Variants in ME1 observed in about 807,000 individuals in gnomAD.
The protein encoded by ME1 is NADP-dependent malic enzyme.
ME1 carries 74 observed loss-of-function variants against 66.4 expected under a neutral mutation model. The observed-to-expected ratio is 1.11, with a 90% CI of 0.92 to 1.35. The LOEUF (loss-of-function observed/expected upper bound fraction) is 1.35, where lower values mean the gene tolerates loss of function less well. Ranked by LOEUF, ME1 falls within the 40% of genes most tolerant of loss-of-function variation. The pLI, the probability that ME1 is intolerant of heterozygous loss-of-function variation, is 0.00. For synonymous variants in ME1, 251 were observed against 235.6 expected (o/e 1.07, Z -0.60); for missense variants, 750 against 694.1 (o/e 1.08, Z -0.90).
chr6:83,342,843 T>C (rs1056893580), intron 5 of ME1, among the ~76,000 whole-genome samples: 1 of 152,088 alleles, frequency 6.6e-6, no homozygotes, highest in Non-Finnish European at 1.5e-5. Context: ...TGTGCCACCA[T>C]GCCCAACTAA....
intron 3 of ME1, among the ~76,000 whole-genome samples, chr6:83,355,128 C>A (rs986499800): frequency 3.3e-5 from 5 of 152,074 alleles, no homozygotes; most frequent in Admixed American, 3.3e-4. Flanking sequence ...GGATCCCTGT[C>A]ATAGTCCAAT....
chr6:83,341,124 C>A (rs563491686), intron 5 of ME1, among the ~76,000 whole-genome samples: 422 of 152,174 alleles, frequency 2.8e-3, no homozygotes, highest in Non-Finnish European at 5.1e-3. Context: ...GTTCAACCAC[C>A]TGGGCAATCA....
chr6:83,218,056 C>T (rs920165767), intron 12 of ME1, among the ~76,000 whole-genome samples: 1 of 152,108 alleles, frequency 6.6e-6, no homozygotes, highest in Non-Finnish European at 1.5e-5. Context: ...ATAATAAACT[C>T]ATCATTTAAC....
At chr6:83,279,001 C>T (rs76955988) in intron 6 of ME1, among the ~76,000 whole-genome samples, 2 of 152,036 alleles carry the variant, frequency 1.3e-5, no homozygotes, top group African/African-American at 4.8e-5. Flanking sequence ...CAACCCCTTC[C>T]CCCCCAACCC....
At position 83,376,504 on chromosome 6, in the gene ME1, A is replaced by G. The variant is rs562334025; in HGVS notation, c.362+21863T>C. Among the ~76,000 whole-genome samples, 9 of 151,818 alleles carry G rather than the reference A, an allele frequency of 5.9e-5. No individual in the cohort carries two copies. In the East Asian group the frequency reaches 1.5e-3, roughly 26 times the overall value. Reference sequence around the variant, plus strand: ...GAGTGAAACTCTGTCAAAAAAAAAAAAAAAGAAAAAAAGAGGCCGGGTGCA... The same window carrying G: ...GAGTGAAACTCTGTCAAAAAAAAAAGAAAAGAAAAAAAGAGGCCGGGTGCA... On this transcript the variant is annotated intron_variant, in intron 3 of 13. Coordinates refer to ENST00000369705, the MANE Select transcript of ME1 (RefSeq NM_002395.6).
At chr6:83,414,322 A>G (rs1001042347) in intron 1 of ME1, among the ~76,000 whole-genome samples, 1 of 152,086 alleles carries the variant, frequency 6.6e-6, no homozygotes, top group Non-Finnish European at 1.5e-5. Context: ...AAAACCAATT[A>G]TTTAAGGCCA....
chr6:83,319,202 T>C (rs1487436130), intron 5 of ME1, among the ~76,000 whole-genome samples: 1 of 151,146 alleles, frequency 6.6e-6, no homozygotes, highest in Non-Finnish European at 1.5e-5. Context: ...TACCTAATGC[T>C]AGATGACGAG....
intron 8 of ME1, among the ~76,000 whole-genome samples, chr6:83,239,333 C>A (rs943590981): frequency 1.3e-5 from 2 of 151,972 alleles, no homozygotes; most frequent in Non-Finnish European, 2.9e-5. Flanking sequence ...AAATTTAAAA[C>A]TGTGAAAAAT....
intron 3 of ME1, among the ~76,000 whole-genome samples, chr6:83,369,617 C>G (rs908391948): frequency 2.1e-5 from 3 of 145,218 alleles, no homozygotes; most frequent in African/African-American, 7.8e-5. Flanking sequence ...CAGACAGTGA[C>G]CTTGTCAGAA....
At chr6:83,303,481 T>C (rs987420162) in intron 6 of ME1, among the ~76,000 whole-genome samples, 11 of 152,200 alleles carry the variant, frequency 7.2e-5, no homozygotes, top group Middle Eastern at 3.2e-3. Flanking sequence ...AAATAAACTT[T>C]GGGTAGCAAG....
At chr6:83,237,902 T>C (rs1790446042) in intron 8 of ME1, 72 bp from the exon 9 acceptor site, 1 of 734,448 alleles carries the variant, frequency 1.4e-6, no homozygotes, top group East Asian at 2.9e-5. Flanking sequence ...TTTCACCCCA[T>C]TTTGTCTTTG....
intron 6 of ME1, among the ~76,000 whole-genome samples, chr6:83,264,541 C>T (rs534721600): frequency 3.3e-5 from 5 of 152,216 alleles, no homozygotes; most frequent in Non-Finnish European, 2.9e-5. Context: ...CTAGATGTCC[C>T]TAAGAACATT....
chr6:83,241,822 C>T (rs894704689), intron 7 of ME1, among the ~76,000 whole-genome samples: 2 of 151,994 alleles, frequency 1.3e-5, no homozygotes, highest in Non-Finnish European at 2.9e-5. Flanking sequence ...AGACAGAATT[C>T]GTGCTTAGGT....
intron 9 of ME1, chr6:83,229,298 T>C (rs2128524137): frequency 2.9e-6 from 1 of 341,022 alleles, no homozygotes; most frequent in Non-Finnish European, 5.5e-6. Flanking sequence ...GGTCTCAGAA[T>C]TTGGAGTTGG....
At chr6:83,322,401 A>G (rs1266820331) in intron 5 of ME1, among the ~76,000 whole-genome samples, 1 of 152,148 alleles carries the variant, frequency 6.6e-6, no homozygotes, top group Admixed American at 6.5e-5. Context: ...GAAGCTAAGA[A>G]CCTTGATAAA....
chr6:83,394,178 T>A (rs191327020), intron 3 of ME1, among the ~76,000 whole-genome samples: 1 of 151,978 alleles, frequency 6.6e-6, no homozygotes, highest in South Asian at 2.1e-4. Flanking sequence ...GAAAAAAAAT[T>A]TAGTCATTGT....
chr6:83,294,345 C>T (rs1409595564), intron 6 of ME1, among the ~76,000 whole-genome samples: 5 of 152,210 alleles, frequency 3.3e-5, no homozygotes, highest in African/African-American at 1.2e-4. Context: ...CCATCTCTGA[C>T]ATTCCAACTC....
chr6:83,211,926 A>G lies in ME1; in HGVS notation c.1717T>C (p.Ter573GlnextTer7), dbSNP rs1053178287. Residue 573 changes from the stop codon to glutamine, a stop_lost, in exon 14 of 14, where the codon TAG becomes CAG. Coordinates refer to ENST00000369705, the MANE Select transcript of ME1 (RefSeq NM_002395.6). The stretch of plus-strand genomic sequence containing the variant: ...AGTTAGAAATGTTTGCTATTATCCT[A>G]CTGGTCAACTTTGGTCTGTATTTTC... ...VQKIQTKVDQ* is the reference protein window; with the variant it reads ...VQKIQTKVDQQ 4 of 1,579,568 alleles carry G rather than the reference A, an allele frequency of 2.5e-6. No individual in the cohort carries two copies. The highest frequency in any genetic ancestry group is 2.7e-5 in the African/African-American group (2 of 73,944).
chr6:83,231,395 A>C (rs1790304463), intron 9 of ME1, among the ~76,000 whole-genome samples: 1 of 152,182 alleles, frequency 6.6e-6, no homozygotes, highest in African/African-American at 2.4e-5. Context: ...AGAATGCTGA[A>C]AAAAGTCCAG....
Sources: gnomAD v4.1 joint callset for allele counts (sites outside exome capture counted in the v4.1 genomes callset) on GRCh38, gnomAD v4.1.1 for gene constraint, MANE v1.5 for transcripts, NCBI Gene and HGNC (gene_info 2026-07-23, HGNC 2026-07-21) for gene names.